GRAMD4: variants seen among roughly 807,000 people sequenced by gnomAD.
The protein encoded by GRAMD4 is GRAM domain-containing protein 4.
Under a neutral mutation model 83.9 loss-of-function variants are expected in GRAMD4, and 25 were observed. The observed-to-expected ratio is 0.30, with a 90% CI of 0.22 to 0.42. The LOEUF is 0.42. Among genes scored for constraint, GRAMD4 ranks in the 10% least tolerant of loss-of-function variants. The probability of loss-of-function intolerance (pLI) is 1.00; values close to 1 mark genes in which losing one functional copy is unlikely to be tolerated. For missense variants in GRAMD4, 593 were observed against 788.7 expected, an observed-to-expected ratio of 0.75 and a Z score of 2.97; for synonymous variants, 336 against 320.9, an observed-to-expected ratio of 1.05 and a Z score of -0.50.
At chr22:46,581,359 CA>C (rs1409681432) in intron 1 of GRAMD4, among the ~76,000 whole-genome samples, 1 of 152,236 alleles carries the variant, frequency 6.6e-6, no homozygotes, top group Non-Finnish European at 1.5e-5. Context: ...CCCCATTTTA[CA>C]GATGAGGAAA....
In GRAMD4 at chr22:46,673,718, C is replaced by T; in HGVS notation, c.1288C>T (p.Leu430=). Residue 430 remains leucine (L), a synonymous_variant, in exon 15 of 19, where the codon CTG becomes TTG. Transcript: ENST00000406902. ...CTACGTACCCAGCGCACCGGCCGGC[C>T]TGGGTAAAGAGGAGGACGCCGGTCG... ...RSYVPSAPAG[L]GKEEDAGRFH... The T allele has an allele frequency of 6.2e-7, 1 of 1,612,862 alleles. No individual in the cohort carries two copies. Among genetic ancestry groups the T allele is most frequent in the Non-Finnish European group, 8.5e-7 (1 of 1,179,880 alleles).
At chr22:46,627,639 C>T (rs1053937251) in intron 2 of GRAMD4, among the ~76,000 whole-genome samples, 1 of 152,228 alleles carries the variant, frequency 6.6e-6, no homozygotes, top group East Asian at 1.9e-4. Context: ...TCTAGCTCCT[C>T]CCCGCATGCA....
chr22:46,663,806 C>G lies in GRAMD4; in HGVS notation c.600-32C>G, dbSNP rs767511358. 33 of 1,611,764 alleles carry G rather than the reference C, an allele frequency of 2.0e-5. 1 individual carries two copies. The African/African-American group carries it at 4.0e-4, about 20-fold the overall frequency. ...CTGCAGAGCCGGCGGGTGCATTAAC[C>G]CTGGGCTCCCATCTCTCCCCTTCTC... On this transcript the variant is annotated intron_variant, in intron 6 of 18. Coordinates refer to ENST00000406902, the MANE Select transcript of GRAMD4 (RefSeq NM_015124.5).
intron 9 of GRAMD4, among the ~76,000 whole-genome samples, chr22:46,666,485 A>C (rs368906351): frequency 6.6e-6 from 1 of 151,934 alleles, no homozygotes; most frequent in African/African-American, 2.4e-5. Flanking sequence ...AATACTCTGG[A>C]AGGTGTCGTT....
At chr22:46,667,289 G>A (rs992110639) in intron 10 of GRAMD4, among the ~76,000 whole-genome samples, 7 of 151,954 alleles carry the variant, frequency 4.6e-5, no homozygotes, top group African/African-American at 1.7e-4. Context: ...GCAGTGAGCC[G>A]AGATCCCTCC....
At chr22:46,627,082 G>T in intron 2 of GRAMD4, 121 bp downstream of exon 2, 1 of 702,052 alleles carries the variant, frequency 1.4e-6, no homozygotes, top group Non-Finnish European at 2.5e-6. Context: ...GATGGACTGG[G>T]CCTGACTCTC....
chr22:46,660,063 C>T (rs2082305193), intron 4 of GRAMD4, among the ~76,000 whole-genome samples: 1 of 152,208 alleles, frequency 6.6e-6, no homozygotes, highest in Admixed American at 6.5e-5. Context: ...TCCCTGTGTT[C>T]TGTTTCCCAT....
chr22:46,583,285 TC>T (rs1187178918), intron 1 of GRAMD4, among the ~76,000 whole-genome samples: 3 of 152,240 alleles, frequency 2.0e-5, no homozygotes, highest in Non-Finnish European at 4.4e-5. Context: ...ATACAGAGTT[TC>T]CCAATTATCC....
In GRAMD4 at chr22:46,672,601, T is replaced by G. The variant is rs1197107170; in HGVS notation, c.1085-242T>G. ...CAGAGCTGAGGGGTCTTAGTGGGAG[T>G]GGGTGGGGCGCTGGCAGTGGGGCCC... On this transcript the variant is annotated intron_variant, in intron 13 of 18. Transcript: ENST00000406902. The surrounding 1 kb of genome is among the most constrained non-coding windows in gnomAD (Gnocchi z 4.7). Among the ~76,000 whole-genome samples the G allele has an allele frequency of 5.4e-5, 7 of 130,602 alleles. No homozygotes were observed. The highest frequency in any genetic ancestry group is 7.8e-5 in the Admixed American group (1 of 12,794). The allele number at this position is 130,602 out of a possible 152,430, so 85.7% of individuals were successfully genotyped here.
At chr22:46,599,116 C>G (rs904900221) in intron 1 of GRAMD4, among the ~76,000 whole-genome samples, 1 of 152,056 alleles carries the variant, frequency 6.6e-6, no homozygotes, top group Admixed American at 6.6e-5. Context: ...TGACAGAACC[C>G]CTAGCACACA....
upstream of GRAMD4, among the ~76,000 whole-genome samples, chr22:46,616,554 G>T (rs1328854589): frequency 7.1e-6 from 1 of 141,558 alleles, no homozygotes; most frequent in African/African-American, 2.7e-5. Flanking sequence ...GTGTGTGCAG[G>T]TTCCCCTGTG....
chr22:46,633,271 G>T (rs988578300), intron 2 of GRAMD4, among the ~76,000 whole-genome samples: 4 of 152,230 alleles, frequency 2.6e-5, no homozygotes, highest in African/African-American at 9.6e-5. Flanking sequence ...TGCCAGCATT[G>T]TCTGTCCTTG....
intron 4 of GRAMD4, 54 bp downstream of exon 4, chr22:46,658,361 C>G (rs980310750): frequency 6.8e-7 from 1 of 1,478,750 alleles, no homozygotes; most frequent in Non-Finnish European, 9.1e-7. Flanking sequence ...CAACCCCCCA[C>G]CCCACCCGCC....
chr22:46,618,708 G>A (rs1439345660), upstream of GRAMD4, among the ~76,000 whole-genome samples: 1 of 152,056 alleles, frequency 6.6e-6, no homozygotes, highest in Non-Finnish European at 1.5e-5. This position sits in a 1 kb window ranked among gnomAD's most constrained non-coding sequence, Gnocchi z 5.8. Flanking sequence ...GTGGTGGGGA[G>A]AGGGGAGGCA....
chr22:46,596,237 C>T (rs367763565), intron 1 of GRAMD4, among the ~76,000 whole-genome samples: 20 of 152,340 alleles, frequency 1.3e-4, no homozygotes, highest in South Asian at 6.2e-4. Context: ...GCTGCTGGCT[C>T]GTGCCATCGG....
chr22:46,616,429 A>T (rs75814998), upstream of GRAMD4, among the ~76,000 whole-genome samples: 55,544 of 63,100 alleles, frequency 0.88, 24,251 homozygotes, highest in East Asian at 0.98. Flanking sequence ...TTCCCCCGTG[A>T]GTAGGTTCCC....
At chr22:46,667,866 C>T (rs954619424) in intron 10 of GRAMD4, among the ~76,000 whole-genome samples, 1 of 152,226 alleles carries the variant, frequency 6.6e-6, no homozygotes, top group African/African-American at 2.4e-5. Context: ...GCAGGGGCGG[C>T]TCTGCCCCAC....
At chr22:46,595,243 G>A (rs774916913) in intron 1 of GRAMD4, among the ~76,000 whole-genome samples, 1 of 152,206 alleles carries the variant, frequency 6.6e-6, no homozygotes. Context: ...ACCATGCGAC[G>A]CAGCGGGTCT....
chr22:46,587,456 C>T (rs554145618), intron 1 of GRAMD4, among the ~76,000 whole-genome samples: 17 of 151,924 alleles, frequency 1.1e-4, no homozygotes, highest in African/African-American at 3.1e-4. Context: ...GGTCCTGTTC[C>T]GGCTTCAGTG....
Sources: gnomAD v4.1 joint callset for allele counts (sites outside exome capture counted in the v4.1 genomes callset) on GRCh38, gnomAD v4.1.1 for gene constraint, Gnocchi (gnomAD v3.1) non-coding constraint, MANE v1.5 for transcripts, NCBI Gene and HGNC (gene_info 2026-07-23, HGNC 2026-07-21) for gene names.